The following HECW2 variants were observed in gnomAD, a reference collection of about 807,000 sequenced individuals.
The protein encoded by HECW2 is HECT, C2 and WW domain containing E3 ubiquitin protein ligase 2.
A neutral mutation model predicts 175.2 loss-of-function variants in HECW2; 61 were observed. That is an observed-to-expected ratio of 0.35 (90% CI 0.28 to 0.43). The LOEUF is 0.43. Ranked by LOEUF, HECW2 falls within the 20% of genes least tolerant of loss-of-function variation. The pLI, the probability that HECW2 is intolerant of heterozygous loss-of-function variation, is 1.00. For missense variants in HECW2, 1,524 were observed against 2,000.5 expected (o/e 0.76, Z 4.54); for synonymous variants, 671 against 731.0 (o/e 0.92, Z 1.32).
At chr2:196,367,097 A>C (rs1206031139) in intron 2 of HECW2, among the ~76,000 whole-genome samples, 1 of 152,236 alleles carries the variant, frequency 6.6e-6, no homozygotes, top group African/African-American at 2.4e-5. Flanking sequence ...TCCTGAAAGA[A>C]CACATTCAGA....
At chr2:196,512,434 C>T (rs576328262) in intron 1 of HECW2, among the ~76,000 whole-genome samples, 1 of 152,180 alleles carries the variant, frequency 6.6e-6, no homozygotes, top group Non-Finnish European at 1.5e-5. Context: ...CACTGTCACC[C>T]AGGTTGGAGT....
chr2:196,288,269 G>A (rs752824271), intron 14 of HECW2: 6 of 152,100 alleles, frequency 3.9e-5, no homozygotes, highest in African/African-American at 9.7e-5. Flanking sequence ...CATGGCTGAC[G>A]GAGAATACAA....
chr2:196,561,321 G>A (rs1689993170), intron 1 of HECW2, among the ~76,000 whole-genome samples: 1 of 152,210 alleles, frequency 6.6e-6, no homozygotes, highest in Non-Finnish European at 1.5e-5. Flanking sequence ...ATTCTAGTCA[G>A]ATGTGCTCTC....
intron 1 of HECW2, among the ~76,000 whole-genome samples, chr2:196,532,539 G>A (rs1435088982): frequency 2.0e-5 from 3 of 152,076 alleles, no homozygotes; most frequent in Non-Finnish European, 4.4e-5. Flanking sequence ...GTGACGGGTT[G>A]ATGGGTGCAT....
chr2:196,424,857 T>G (rs1348032130), intron 2 of HECW2, among the ~76,000 whole-genome samples: 1 of 152,192 alleles, frequency 6.6e-6, no homozygotes, highest in Non-Finnish European at 1.5e-5. Context: ...CTAAGATCAT[T>G]GATTAAGGTG....
At chr2:196,412,687 C>T (rs1297734392) in intron 2 of HECW2, among the ~76,000 whole-genome samples, 1 of 152,222 alleles carries the variant, frequency 6.6e-6, no homozygotes, top group Admixed American at 6.5e-5. Flanking sequence ...CATCTTGATG[C>T]TACTATTTAC....
At chr2:196,584,567 T>C in intron 1 of HECW2, among the ~76,000 whole-genome samples, 1 of 138,728 alleles carries the variant, frequency 7.2e-6, no homozygotes, top group East Asian at 2.1e-4. Flanking sequence ...AGAATGTGGA[T>C]GTGTAAAACT....
intron 14 of HECW2, among the ~76,000 whole-genome samples, chr2:196,280,775 C>T (rs1690155276): frequency 6.6e-6 from 1 of 152,160 alleles, no homozygotes; most frequent in South Asian, 2.1e-4. Context: ...TACAATTGTC[C>T]ACTATTTCTG....
intron 4 of HECW2, among the ~76,000 whole-genome samples, chr2:196,330,912 A>G (rs974607216): frequency 5.3e-5 from 8 of 151,958 alleles, no homozygotes; most frequent in Non-Finnish European, 1.2e-4. Flanking sequence ...TTTACTACTT[A>G]ACTACTGCCC....
At chr2:196,429,756 T>C (rs1695653621) in intron 2 of HECW2, among the ~76,000 whole-genome samples, 1 of 152,166 alleles carries the variant, frequency 6.6e-6, no homozygotes, top group African/African-American at 2.4e-5. Context: ...TCTGCTGAGC[T>C]TGGATACAGA....
intron 28 of HECW2, among the ~76,000 whole-genome samples, chr2:196,208,329 T>A (rs1687142240): frequency 6.6e-6 from 1 of 152,258 alleles, no homozygotes; most frequent in African/African-American, 2.4e-5. Flanking sequence ...GATTTTGGAA[T>A]TTCTTGTCTG....
chr2:196,224,110 G>A (rs974293094), intron 23 of HECW2, among the ~76,000 whole-genome samples: 86 of 152,156 alleles, frequency 5.7e-4, no homozygotes, highest in Admixed American at 4.4e-3. Flanking sequence ...GAGTAGAGAT[G>A]GGGAAGAGTA....
chr2:196,299,455 A>T (rs1476551924), intron 13 of HECW2, among the ~76,000 whole-genome samples: 6 of 152,168 alleles, frequency 3.9e-5, no homozygotes, highest in Non-Finnish European at 1.5e-5. Context: ...AAATCTCTTT[A>T]TCCTAGGAGT....
At chr2:196,467,751 C>A (rs1443533775) in intron 1 of HECW2, among the ~76,000 whole-genome samples, 2 of 152,152 alleles carry the variant, frequency 1.3e-5, no homozygotes, top group African/African-American at 2.4e-5. Flanking sequence ...CTGAGCAAAA[C>A]CCCCATGCTA....
chr2:196,437,809 A>G (rs999467958), intron 1 of HECW2, among the ~76,000 whole-genome samples: 1 of 151,804 alleles, frequency 6.6e-6, no homozygotes, highest in African/African-American at 2.4e-5. Flanking sequence ...GAGAGAGAGA[A>G]CTTCGAAGTC....
At chr2:196,456,762 G>T (rs190253583) in intron 1 of HECW2, among the ~76,000 whole-genome samples, 4 of 152,254 alleles carry the variant, frequency 2.6e-5, no homozygotes, top group Non-Finnish European at 4.4e-5. Flanking sequence ...CTTTTTTACA[G>T]ATTTTCCAGA....
chr2:196,398,563 C>G (rs545086488), intron 2 of HECW2, among the ~76,000 whole-genome samples: 1 of 152,294 alleles, frequency 6.6e-6, no homozygotes, highest in African/African-American at 2.4e-5. Flanking sequence ...CACCCATTCT[C>G]CAAACTCATC....
intron 19 of HECW2, among the ~76,000 whole-genome samples, chr2:196,249,775 A>G (rs1294380119): frequency 1.3e-5 from 2 of 152,362 alleles, no homozygotes; most frequent in Middle Eastern, 3.4e-3. Context: ...ATCAGGCTGT[A>G]CAACCCAGTT....
chr2:196,454,004 T>A (rs1259595344), intron 1 of HECW2, among the ~76,000 whole-genome samples: 1 of 151,832 alleles, frequency 6.6e-6, no homozygotes, highest in Non-Finnish European at 1.5e-5. Flanking sequence ...TTCTATGGGT[T>A]TTGTTTGTTT....
Sources: gnomAD v4.1 joint callset for allele counts (sites outside exome capture counted in the v4.1 genomes callset) on GRCh38, gnomAD v4.1.1 for gene constraint, MANE v1.5 for transcripts, NCBI Gene and HGNC (gene_info 2026-07-23, HGNC 2026-07-21) for gene names.